DOP1B: variants seen among roughly 807,000 people sequenced by gnomAD.
DOP1B encodes the protein protein DOP1B.
Under a neutral mutation model 233.5 loss-of-function variants are expected in DOP1B, and 174 were observed. The observed-to-expected ratio is 0.75, with a 90% confidence interval of 0.66 to 0.85. DOP1B has a LOEUF of 0.85. DOP1B is among the 40% of genes least tolerant of loss of function. The probability of loss-of-function intolerance (pLI) is 0.00; values close to 1 mark genes in which losing one functional copy is unlikely to be tolerated. For synonymous variants in DOP1B, 1,190 were observed against 1,185.6 expected, an observed-to-expected ratio of 1.00 and a Z score of -0.08; for missense variants, 2,652 against 2,846.6, an observed-to-expected ratio of 0.93 and a Z score of 1.56.
chr21:36,212,113 C>T lies in DOP1B; in HGVS notation c.904+16C>T, dbSNP rs2066506149. 1 of 1,552,836 alleles carries T rather than the reference C, an allele frequency of 6.4e-7. No individual in the cohort carries two copies. The highest frequency in any genetic ancestry group is 1.2e-5 in the South Asian group (1 of 83,494). On this transcript the variant is annotated intron_variant, in intron 7 of 36. Transcript: ENST00000691173. ...TGGTTACTAGGTACTGAGCAGTATA[C>T]ACCCTTTTAAAGTCAAAGTTAATAT...
intron 35 of DOP1B, 85 bp downstream of exon 35, chr21:36,289,291 C>A: frequency 1.4e-6 from 2 of 1,408,670 alleles, no homozygotes; most frequent in African/African-American, 1.4e-5. Context: ...TTTTCATGTA[C>A]AGTTTATGGG....
In DOP1B at chr21:36,246,645, G is replaced by T. The variant is rs1569048746; in HGVS notation, c.4665G>T (p.Gln1555His). ...AAAACTTGGATGACTTGGTCAAGCA[G>T]TATGAAAGCGAATCTGTGAAGCTCT... ...ICKNLDDLVK[Q>H]YESESVKLSV... The change falls in exon 19 of 37, where the codon CAG becomes CAT. Residue 1555 changes from glutamine to histidine, a missense_variant. This residue lies in a region of DOP1B where 2,617 missense variants were observed against 2,794.3 expected (regional missense o/e 0.94). Coordinates refer to ENST00000691173, the MANE Select transcript of DOP1B (RefSeq NM_001320714.2). This position sits in a 1 kb window ranked among gnomAD's most constrained non-coding sequence, Gnocchi z 5.1. The T allele has an allele frequency of 6.2e-7, 1 of 1,612,782 alleles. No individual in the cohort carries two copies. Among genetic ancestry groups the T allele is most frequent in the Non-Finnish European group, 8.5e-7 (1 of 1,178,976 alleles).
intron 26 of DOP1B, among the ~76,000 whole-genome samples, chr21:36,268,045 T>C (rs1294301270): frequency 6.6e-6 from 1 of 152,152 alleles, no homozygotes; most frequent in Non-Finnish European, 1.5e-5. Context: ...TTGATAAACA[T>C]CTTATCTTAA....
chr21:36,251,106 A>G (rs1341912370), intron 21 of DOP1B, 56 bp from the exon 22 acceptor site: 7 of 1,575,934 alleles, frequency 4.4e-6, no homozygotes, highest in African/African-American at 2.7e-5. Flanking sequence ...TTCAATGTAT[A>G]TGATGCCATA....
In DOP1B at chr21:36,277,111, AC is replaced by A; in HGVS notation, c.5712+13del. 2 of 1,612,286 alleles carry A rather than the reference AC, an allele frequency of 1.2e-6. No homozygotes were observed. The highest frequency in any genetic ancestry group is 1.7e-6 in the Non-Finnish European group (2 of 1,179,384). On this transcript the variant is annotated intron_variant, in intron 28 of 36. Coordinates refer to ENST00000691173, the MANE Select transcript of DOP1B (RefSeq NM_001320714.2). ...TCTCTCCTGGCAGAGGTAAATACAC[AC>A]CTGACCTGTCGTCCTTTATGGAAAT...
chr21:36,200,195 C>G, intron 3 of DOP1B, 136 bp from the exon 4 acceptor site: 1 of 1,149,530 alleles, frequency 8.7e-7, no homozygotes, highest in South Asian at 1.6e-5. Flanking sequence ...CATCTCATGT[C>G]ATACCCACAC....
At chr21:36,266,344 T>C (rs944597587) in intron 26 of DOP1B, among the ~76,000 whole-genome samples, 11 of 151,916 alleles carry the variant, frequency 7.2e-5, no homozygotes, top group African/African-American at 2.7e-4. Context: ...GCCAGCTAAT[T>C]TTTGTATTTT....
rs1235215306 is a variant in DOP1B at position 36,223,312 on chromosome 21, C to G, written c.1332C>G (p.Leu444=). Reference sequence around the variant, plus strand: ...TAACTTCTCTAAGCACAGACTTTCTCTGGGATTATATGACAAGGTGTTTTG... The same window carrying G: ...TAACTTCTCTAAGCACAGACTTTCTGTGGGATTATATGACAAGGTGTTTTG... ...LLITSLSTDF[L]WDYMTRCFEE... is the part of the protein sequence containing the mutation. The change falls in exon 11 of 37, where the codon CTC becomes CTG. Residue 444 remains leucine, a synonymous_variant. Coordinates refer to ENST00000691173, the MANE Select transcript of DOP1B (RefSeq NM_001320714.2). The G allele has an allele frequency of 6.2e-7, 1 of 1,610,710 alleles. No homozygotes were observed.
At chr21:36,203,798 C>T (rs928378152) in intron 4 of DOP1B, among the ~76,000 whole-genome samples, 1 of 151,844 alleles carries the variant, frequency 6.6e-6, no homozygotes, top group Non-Finnish European at 1.5e-5. Context: ...ACTTTTGGCC[C>T]CTGTTAGAAC....
intron 32 of DOP1B, among the ~76,000 whole-genome samples, chr21:36,285,771 C>T (rs2067474689): frequency 1.3e-5 from 2 of 152,104 alleles, no homozygotes; most frequent in Admixed American, 1.3e-4. Context: ...CCTTGGGAGG[C>T]TGTGGTGGGC....
At chr21:36,200,568 G>A (rs2066352140) in intron 4 of DOP1B, 67 bp downstream of exon 4, 1 of 1,512,830 alleles carries the variant, frequency 6.6e-7, no homozygotes. Context: ...AGGGGGCCGG[G>A]CGCAGTGGCT....
chr21:36,169,795 G>T (rs900734158), intron 2 of DOP1B: 9 of 1,248,318 alleles, frequency 7.2e-6, no homozygotes, highest in African/African-American at 5.9e-5. Context: ...CTTGGTAAAG[G>T]CCTTCTTCCT....
At chr21:36,168,439 C>CAAATTGTT (rs1199123517) in intron 2 of DOP1B, among the ~76,000 whole-genome samples, 13 of 152,132 alleles carry the variant, frequency 8.5e-5, no homozygotes, top group Non-Finnish European at 4.4e-5. Context: ...GAGGAGCCAC[C>CAAATTGTT]AAATTGTTTT....
rs115257561 is a variant in DOP1B, at chr21:36,262,092, C to T, written c.5315+1360C>T. Among the ~76,000 whole-genome samples, 835 of 152,236 alleles carry T rather than the reference C, an allele frequency of 5.5e-3. 14 individuals are homozygous for T. The highest frequency in any genetic ancestry group is 0.019 in the African/African-American group (770 of 41,522). Reference sequence around the variant, plus strand: ...CTCACCACATTCTGAAGTTGCAGGACGGTAAATTGAGGCCTCCTGGTAGAT... The same window carrying T: ...CTCACCACATTCTGAAGTTGCAGGATGGTAAATTGAGGCCTCCTGGTAGAT... On this transcript the variant is annotated intron_variant, in intron 24 of 36. Coordinates refer to ENST00000691173, the MANE Select transcript of DOP1B (RefSeq NM_001320714.2).
At chr21:36,266,345 T>C (rs1342076258) in intron 26 of DOP1B, among the ~76,000 whole-genome samples, 2 of 151,960 alleles carry the variant, frequency 1.3e-5, no homozygotes, top group Non-Finnish European at 2.9e-5. Context: ...CCAGCTAATT[T>C]TTGTATTTTT....
rs987547267 is a variant in DOP1B at position 36,284,491 on chromosome 21, A to G, written c.6160+2880A>G. Among the ~76,000 whole-genome samples the G allele has an allele frequency of 6.6e-5, 10 of 151,280 alleles. No homozygotes were observed. The East Asian group carries it at 1.2e-3, about 18-fold the overall frequency. ...TCACCATGTTGGTCATGCTGGTCTC[A>G]AACTCCTGACCCCGTGATCCACCTG... On this transcript the variant is annotated intron_variant, in intron 32 of 36. Coordinates refer to ENST00000691173, the MANE Select transcript of DOP1B (RefSeq NM_001320714.2).
At chr21:36,169,021 T>A in intron 2 of DOP1B, 1 of 827,532 alleles carries the variant, frequency 1.2e-6, no homozygotes, top group East Asian at 2.4e-5. Context: ...GTCCCATGAA[T>A]GCTTTCTTCT....
chr21:36,283,007 G>A (rs915771050), intron 32 of DOP1B, among the ~76,000 whole-genome samples: 15 of 150,526 alleles, frequency 1.0e-4, no homozygotes, highest in Non-Finnish European at 2.1e-4. Context: ...TGCCAACATC[G>A]TACGTGATTG....
intron 2 of DOP1B, among the ~76,000 whole-genome samples, chr21:36,188,213 C>G (rs1243661457): frequency 6.6e-6 from 1 of 152,152 alleles, no homozygotes; most frequent in African/African-American, 2.4e-5. Context: ...GATATTTCAG[C>G]TGTGACCTTT....
Sources: allele counts gnomAD v4.1 joint callset (sites outside exome capture counted in the v4.1 genomes callset), GRCh38; gene constraint gnomAD v4.1.1; regional missense constraint gnomAD v4.1.1; non-coding constraint Gnocchi (gnomAD v3.1); transcripts MANE v1.5; gene names NCBI Gene and HGNC (gene_info 2026-07-23, HGNC 2026-07-21).